Variants in GNAQ observed in about 807,000 individuals in gnomAD.
GNAQ encodes the protein guanine nucleotide-binding protein G(q) subunit alpha.
Under a neutral mutation model 43.9 loss-of-function variants are expected in GNAQ, and 8 were observed. The ratio of observed to expected loss-of-function variants is 0.18; its 90% confidence interval spans 0.11 to 0.33. The LOEUF (loss-of-function observed/expected upper bound fraction) is 0.33, where lower values mean the gene tolerates loss of function less well. Among genes scored for constraint, GNAQ ranks in the 10% least tolerant of loss-of-function variants. The pLI is 1.00. For missense variants in GNAQ, 158 were observed against 450.8 expected (o/e 0.35, Z 5.88); for synonymous variants, 155 against 170.7 (o/e 0.91, Z 0.71).
At chr9:77,810,207 C>CATCTATCTATCTATCTAACT (rs1554717670) in intron 3 of GNAQ, among the ~76,000 whole-genome samples, 12 of 144,970 alleles carry the variant, frequency 8.3e-5, no homozygotes, top group African/African-American at 3.1e-4. Context: ...AACTGTCAAT[C>CATCTATCTATCTATCTAACT]ATCTATCTAT....
chr9:77,760,909 G>T (rs1825995054), intron 5 of GNAQ, among the ~76,000 whole-genome samples: 1 of 149,342 alleles, frequency 6.7e-6, no homozygotes, highest in Non-Finnish European at 1.5e-5. Flanking sequence ...ACCCCGTCTG[G>T]GAGGTGAGGA....
intron 1 of GNAQ, among the ~76,000 whole-genome samples, chr9:77,922,930 A>G (rs1829018722): frequency 6.6e-6 from 1 of 152,160 alleles, no homozygotes; most frequent in African/African-American, 2.4e-5. Context: ...CCTGAGATAA[A>G]GAAATCCCAT....
chr9:77,929,212 ACT>A (rs1316035347), intron 1 of GNAQ, among the ~76,000 whole-genome samples: 14 of 151,826 alleles, frequency 9.2e-5, no homozygotes, highest in Non-Finnish European at 1.2e-4. Flanking sequence ...GTACATGTTC[ACT>A]CTCTCTGCCT....
rs762609621 is a variant in GNAQ, at chr9:77,720,227, A to G, written c.*1096T>C. On this transcript the variant is annotated 3_prime_UTR_variant, in exon 7 of 7. Coordinates refer to ENST00000286548, the MANE Select transcript of GNAQ (RefSeq NM_002072.5). ...ATTTCTGGTTCATTCTCAGCCAGTC[A>G]TTTTAGGCTTCACAGTCTTACTCTC... 1 of 233,498 alleles carries G rather than the reference A, an allele frequency of 4.3e-6. No homozygotes were observed. Among genetic ancestry groups the G allele is most frequent in the Non-Finnish European group, 8.5e-6 (1 of 117,912 alleles). The allele number at this position is 233,498 out of a possible 1,614,324, so 14.5% of individuals were successfully genotyped here.
At chr9:78,014,686 T>C (rs147225118) in intron 1 of GNAQ, among the ~76,000 whole-genome samples, 215 of 152,234 alleles carry the variant, frequency 1.4e-3, no homozygotes, top group African/African-American at 4.9e-3. Flanking sequence ...ATCAAGTAAA[T>C]GTAAACAACA....
At chr9:77,824,428 T>C (rs1438178936) in intron 2 of GNAQ, among the ~76,000 whole-genome samples, 1 of 152,210 alleles carries the variant, frequency 6.6e-6, no homozygotes, top group Non-Finnish European at 1.5e-5. Flanking sequence ...CTTTCGGTAT[T>C]AGTTCAGAAT....
intron 1 of GNAQ, among the ~76,000 whole-genome samples, chr9:77,929,692 C>T (rs1259462725): frequency 6.6e-6 from 1 of 151,874 alleles, no homozygotes; most frequent in Non-Finnish European, 1.5e-5. Context: ...AAAATTAGCC[C>T]GGTGTGGTGA....
At chr9:77,735,085 T>G (rs1825557120) in intron 5 of GNAQ, among the ~76,000 whole-genome samples, 1 of 152,096 alleles carries the variant, frequency 6.6e-6, no homozygotes, top group African/African-American at 2.4e-5. Flanking sequence ...CTTATGAAAT[T>G]GATAAGAAAA....
intron 1 of GNAQ, among the ~76,000 whole-genome samples, chr9:77,984,300 G>A (rs565307701): frequency 1.3e-5 from 2 of 151,462 alleles, no homozygotes; most frequent in Non-Finnish European, 2.9e-5. Context: ...CTCCTGAGTA[G>A]CTGAGACTAC....
At chr9:77,975,575 C>G (rs969310794) in intron 1 of GNAQ, among the ~76,000 whole-genome samples, 2 of 135,386 alleles carry the variant, frequency 1.5e-5, no homozygotes, top group African/African-American at 5.6e-5. Flanking sequence ...AGGTCTCGCT[C>G]TCTCAGCAGG....
intron 1 of GNAQ, among the ~76,000 whole-genome samples, chr9:77,956,637 C>T (rs965284832): frequency 3.3e-5 from 5 of 152,130 alleles, no homozygotes; most frequent in Admixed American, 6.5e-5. Flanking sequence ...ATGGTGAGTA[C>T]AGAGCCCCAG....
chr9:77,807,853 T>C (rs1325478672), intron 3 of GNAQ, among the ~76,000 whole-genome samples: 3 of 152,214 alleles, frequency 2.0e-5, no homozygotes, highest in Non-Finnish European at 2.9e-5. Flanking sequence ...TTTTGGACCA[T>C]ATGATCTCTG....
intron 2 of GNAQ, among the ~76,000 whole-genome samples, chr9:77,904,491 C>A (rs1011982387): frequency 1.3e-5 from 2 of 151,800 alleles, no homozygotes; most frequent in African/African-American, 4.8e-5. Context: ...TACCACCACG[C>A]CTGGCTACTT....
At chr9:77,992,917 C>G (rs748715091) in intron 1 of GNAQ, among the ~76,000 whole-genome samples, 2 of 152,150 alleles carry the variant, frequency 1.3e-5, no homozygotes, top group Non-Finnish European at 2.9e-5. Context: ...TATTCTCCAG[C>G]CTGTGCAACA....
At chr9:77,724,023 T>G (rs1564091482) in intron 6 of GNAQ, among the ~76,000 whole-genome samples, 1 of 152,164 alleles carries the variant, frequency 6.6e-6, no homozygotes, top group Non-Finnish European at 1.5e-5. Flanking sequence ...GTTTTAAAAG[T>G]GTATTTAATA....
chr9:77,925,099 C>T (rs979434637), intron 1 of GNAQ, among the ~76,000 whole-genome samples: 5 of 152,104 alleles, frequency 3.3e-5, no homozygotes, highest in Non-Finnish European at 7.4e-5. Context: ...ACAACTGCTC[C>T]CTTGCCTTGT....
At chr9:77,893,632 T>C (rs938332875) in intron 2 of GNAQ, among the ~76,000 whole-genome samples, 2 of 152,216 alleles carry the variant, frequency 1.3e-5, no homozygotes, top group African/African-American at 4.8e-5. Context: ...TCTGAATTAT[T>C]TCTTGCTCGA....
In GNAQ at chr9:77,922,363, G is replaced by T. The variant is rs757080462; in HGVS notation, c.137-18C>A. 3 of 1,591,390 alleles carry T rather than the reference G, an allele frequency of 1.9e-6. No homozygotes were observed. Among genetic ancestry groups the T allele is most frequent in the African/African-American group, 2.7e-5 (2 of 74,462 alleles). On this transcript the variant is annotated intron_variant, in intron 1 of 6. Transcript: ENST00000286548. ...TCCTGTCCCTGAAAGATGAACAATA[G>T]CAGCTCATCAGACCACAGTGCCATC...
chr9:77,971,545 T>A (rs144421538), intron 1 of GNAQ, among the ~76,000 whole-genome samples: 51 of 152,270 alleles, frequency 3.3e-4, no homozygotes, highest in African/African-American at 1.2e-3. Flanking sequence ...ATCGTCTCAA[T>A]AGATGCAGAA....
Sources: allele counts gnomAD v4.1 joint callset (sites outside exome capture counted in the v4.1 genomes callset), GRCh38; gene constraint gnomAD v4.1.1; transcripts MANE v1.5; gene names NCBI Gene and HGNC (gene_info 2026-07-23, HGNC 2026-07-21).